Variants in MAP4K4 observed in about 807,000 individuals in gnomAD.
MAP4K4 encodes mitogen-activated protein kinase kinase kinase kinase 4.
In MAP4K4, 38 loss-of-function variants were observed where a neutral mutation model predicts 189.6. The observed-to-expected ratio is 0.20, with a 90% confidence interval of 0.15 to 0.26. MAP4K4 has a LOEUF of 0.26. Among genes scored for constraint, MAP4K4 ranks in the 10% least tolerant of loss-of-function variants. The pLI is 1.00. For synonymous variants in MAP4K4, 610 were observed against 624.3 expected, an observed-to-expected ratio of 0.98 and a Z score of 0.34; for missense variants, 1,054 against 1,726.9, an observed-to-expected ratio of 0.61 and a Z score of 6.91.
At chr2:101,786,572 G>A (rs1162354395) in intron 2 of MAP4K4, among the ~76,000 whole-genome samples, 1 of 152,184 alleles carries the variant, frequency 6.6e-6, no homozygotes, top group Non-Finnish European at 1.5e-5. Context: ...TGCTATGTCT[G>A]CTAACCCTTA....
intron 27 of MAP4K4, among the ~76,000 whole-genome samples, chr2:101,880,291 C>A (rs1296662100): frequency 6.6e-6 from 1 of 152,128 alleles, no homozygotes; most frequent in African/African-American, 2.4e-5. Context: ...GGATTTTCTT[C>A]TGTTACCTTC....
intron 2 of MAP4K4, among the ~76,000 whole-genome samples, chr2:101,705,479 C>G (rs1340606477): frequency 6.6e-6 from 1 of 152,150 alleles, no homozygotes; most frequent in Non-Finnish European, 1.5e-5. Context: ...GTGGCTCAAC[C>G]TCATCAGCAG....
chr2:101,850,060 T>C (rs1178031014), intron 12 of MAP4K4, among the ~76,000 whole-genome samples: 4 of 152,202 alleles, frequency 2.6e-5, no homozygotes, highest in Admixed American at 6.5e-5. Flanking sequence ...CCTTTACCCC[T>C]GGACTCTCAG....
At position 101,761,526 on chromosome 2, in the gene MAP4K4, A is replaced by G. The variant is rs534927749; in HGVS notation, c.124-29194A>G. Reference sequence around the variant, plus strand: ...CTCTCACTTTACAGGCAGGTAATTCAGTTATGGGGAGTATGGGAGCATTCT... The same window carrying G: ...CTCTCACTTTACAGGCAGGTAATTCGGTTATGGGGAGTATGGGAGCATTCT... On this transcript the variant is annotated intron_variant, in intron 2 of 32. Coordinates refer to ENST00000324219, the Ensembl canonical transcript of MAP4K4. 1.6e-4 allele frequency among the ~76,000 whole-genome samples: 24 copies of G among 149,268 alleles called. No homozygotes were observed. The East Asian group carries it at 3.7e-3, about 23-fold the overall frequency.
chr2:101,871,730 G>C, intron 24 of MAP4K4, 45 bp downstream of exon 24: 1 of 1,510,184 alleles, frequency 6.6e-7, no homozygotes, highest in Non-Finnish European at 8.9e-7. Context: ...GGTTAGACCA[G>C]CACTGCCTAG....
chr2:101,700,949 T>C (rs1471556980), intron 2 of MAP4K4, among the ~76,000 whole-genome samples: 1 of 152,212 alleles, frequency 6.6e-6, no homozygotes, highest in African/African-American at 2.4e-5. Flanking sequence ...TTTAGGATTT[T>C]TGTTGGTATG....
chr2:101,786,282 G>C (rs1157818074), intron 2 of MAP4K4, among the ~76,000 whole-genome samples: 4 of 152,066 alleles, frequency 2.6e-5, no homozygotes, highest in Non-Finnish European at 5.9e-5. Context: ...GGGTTTTCTA[G>C]TGTGATGGTT....
intron 3 of MAP4K4, among the ~76,000 whole-genome samples, chr2:101,799,090 A>G (rs1401933537): frequency 6.6e-6 from 1 of 152,154 alleles, no homozygotes; most frequent in African/African-American, 2.4e-5. Context: ...CCCATAAATA[A>G]TTTTCAAGGT....
intron 3 of MAP4K4, among the ~76,000 whole-genome samples, chr2:101,812,259 C>A (rs943862591): frequency 6.6e-6 from 1 of 152,182 alleles, no homozygotes; most frequent in African/African-American, 2.4e-5. Context: ...TCCATGCAGA[C>A]TTTGCATGTG....
rs746969658 is a variant in MAP4K4, at chr2:101,840,005, T to C, written c.949+11T>C. On this transcript the variant is annotated intron_variant, in intron 10 of 32. Transcript: ENST00000324219. ...AGAGAGGCGAGAAAGGTACTAAGCC[T>C]GTTTTTGTTTTCATCCTTTAAAATT... 8.3e-6 allele frequency: 13 copies of C among 1,574,780 alleles called. No individual in the cohort carries two copies. The highest frequency in any genetic ancestry group is 1.0e-5 in the Non-Finnish European group (12 of 1,166,338).
chr2:101,855,849 CA>C (rs1212530654), intron 12 of MAP4K4, 127 bp from the exon 13 acceptor site: 1 of 796,306 alleles, frequency 1.3e-6, no homozygotes, highest in East Asian at 2.7e-5. Context: ...AATAATTGGC[CA>C]GTAGATATGG....
At chr2:101,702,304 G>C (rs1053112278) in intron 2 of MAP4K4, among the ~76,000 whole-genome samples, 1 of 152,070 alleles carries the variant, frequency 6.6e-6, no homozygotes, top group African/African-American at 2.4e-5. Context: ...GGTGGCTTAC[G>C]CTTGTAAATC....
chr2:101,753,977 T>C (rs1438862690), intron 2 of MAP4K4, among the ~76,000 whole-genome samples: 1 of 152,154 alleles, frequency 6.6e-6, no homozygotes, highest in East Asian at 1.9e-4. Context: ...TTATTATTAG[T>C]AGTGGCTATT....
intron 18 of MAP4K4, 22 bp downstream of exon 18, chr2:101,865,058 A>C: frequency 7.0e-7 from 1 of 1,430,014 alleles, no homozygotes; most frequent in Non-Finnish European, 9.6e-7. Context: ...GTGAGCACTG[A>C]GAACAGGCCT....
intron 3 of MAP4K4, among the ~76,000 whole-genome samples, chr2:101,808,031 A>G (rs1488587297): frequency 1.3e-5 from 2 of 152,262 alleles, no homozygotes; most frequent in Non-Finnish European, 2.9e-5. Context: ...ACCACCAAAG[A>G]TGCTTCTTCA....
chr2:101,828,278 T>C (rs1244218438), intron 5 of MAP4K4, among the ~76,000 whole-genome samples: 2 of 152,192 alleles, frequency 1.3e-5, no homozygotes, highest in Non-Finnish European at 2.9e-5. Flanking sequence ...AGAGCAAAAA[T>C]GAACTGAAAT....
At chr2:101,855,102 T>G (rs752213676) in intron 12 of MAP4K4, among the ~76,000 whole-genome samples, 8 of 152,200 alleles carry the variant, frequency 5.3e-5, no homozygotes, top group Non-Finnish European at 1.0e-4. Context: ...TGTCATCACG[T>G]GCCTGGCATG....
At chr2:101,817,894 G>A (rs1285095705) in intron 3 of MAP4K4, among the ~76,000 whole-genome samples, 1 of 151,970 alleles carries the variant, frequency 6.6e-6, no homozygotes, top group Non-Finnish European at 1.5e-5. Flanking sequence ...GATCTTGGGG[G>A]GTGCGGATTA....
At chr2:101,794,677 A>G (rs1575663700) in intron 3 of MAP4K4, among the ~76,000 whole-genome samples, 1 of 152,226 alleles carries the variant, frequency 6.6e-6, no homozygotes. Context: ...CTACATTCAT[A>G]TATCTTTGCT....
Sources: allele counts gnomAD v4.1 joint callset (sites outside exome capture counted in the v4.1 genomes callset), GRCh38; gene constraint gnomAD v4.1.1; transcripts MANE v1.5; gene names NCBI Gene and HGNC (gene_info 2026-07-23, HGNC 2026-07-21).